The following TEP1 variants were observed in gnomAD, a reference collection of about 807,000 sequenced individuals.
TEP1 encodes the protein telomerase protein component 1.
TEP1 carries 241 observed loss-of-function variants against 306.3 expected under a neutral mutation model. The ratio of observed to expected loss-of-function variants is 0.79; its 90% CI spans 0.71 to 0.88. The LOEUF (loss-of-function observed/expected upper bound fraction) is 0.88. TEP1 is among the 40% of genes least tolerant of loss of function. The pLI is 0.00. For missense variants in TEP1, 3,051 were observed against 3,276.1 expected (o/e 0.93, Z 1.68); for synonymous variants, 1,289 against 1,305.5 (o/e 0.99, Z 0.27).
Position 20,381,185 on chromosome 14 carries a change from A to T in TEP1, c.4647+128T>A. On this transcript the variant is annotated intron_variant, in intron 32 of 54. Transcript: ENST00000262715. This position sits in a 1 kb window ranked among gnomAD's most constrained non-coding sequence, Gnocchi z 4.0. ...GAAGAAGGGCAGGAAAACTGAAAGGAAAGAGGTCAAGGGAGTTTGGGAGGG... is the reference window on the plus strand; with the variant it reads ...GAAGAAGGGCAGGAAAACTGAAAGGTAAGAGGTCAAGGGAGTTTGGGAGGG... 1.6e-6 allele frequency: 2 copies of T among 1,222,860 alleles called. No individual in the cohort carries two copies. The highest frequency in any genetic ancestry group is 2.4e-6 in the Non-Finnish European group (2 of 826,858). The allele number at this position is 1,222,860 out of a possible 1,614,324, so 75.8% of individuals were successfully genotyped here. A position where few individuals can be genotyped will look rare whatever the true frequency, so the allele number is the denominator to read the frequency against.
chr14:20,404,681 T>G lies in TEP1; in HGVS notation c.962A>C (p.His321Pro). ...IAAFLPACRP[H>P]LRRYFCAIVQ... ...AATGGCACAGAAATATCGTCGCAGG[T>G]GGGGGCGACACGCCGGCAAGAAAGC... Residue 321 changes from histidine (H) to proline (P), a missense_variant, in exon 5 of 55, where the codon CAC (histidine) becomes CCC (proline). By Grantham distance (77) the His-to-Pro change is moderately conservative (BLOSUM62 -2). Around this residue, in one of 3 missense-constraint regions of TEP1, gnomAD observed 1,507 missense variants for 1,550.5 expected, o/e 0.97. Coordinates refer to ENST00000262715, the MANE Select transcript of TEP1 (RefSeq NM_007110.5). 6.2e-7 allele frequency: 1 copy of G among 1,613,976 alleles called. No homozygotes were observed. Among genetic ancestry groups the G allele is most frequent in the South Asian group, 1.1e-5 (1 of 91,048 alleles).
rs766192524 is a variant in TEP1 at position 20,396,690 on chromosome 14, C to T, written c.1590G>A (p.Leu530=). The T allele has an allele frequency of 1.3e-5, 21 of 1,611,920 alleles. 1 individual carries two copies. The South Asian group carries it at 2.2e-4, about 17-fold the overall frequency. Residue 530 remains leucine, a synonymous_variant, in exon 10 of 55, where the codon CTG becomes CTA. Transcript: ENST00000262715. ...KLPFMAMLRN[L]CNLLRVGISS... Reference sequence around the variant, plus strand: ...TGATTCCAACCCGCAGCAGGTTGCACAGGTTCCGAAGCATGGCCATGAAGG... The same window carrying T: ...TGATTCCAACCCGCAGCAGGTTGCATAGGTTCCGAAGCATGGCCATGAAGG...
chr14:20,384,938 C>T, intron 21 of TEP1, 47 bp downstream of exon 21: 2 of 1,613,238 alleles, frequency 1.2e-6, no homozygotes, highest in Non-Finnish European at 1.7e-6. Context: ...ACTGGCCTGT[C>T]TGGCCTTTTG....
Position 20,391,735 on chromosome 14 carries a change from C to A in TEP1, c.1961G>T (p.Arg654Met). 3 of 1,614,178 alleles carry A rather than the reference C, an allele frequency of 1.9e-6. No individual in the cohort carries two copies. Among genetic ancestry groups the A allele is most frequent in the Non-Finnish European group, 2.5e-6 (3 of 1,180,022 alleles). ...AGCTGTCTCTAGGGCCTGTCGGTAC[C>A]TGTTCAGCATCTCACCATCATATTT... ...QWKYDGEMLNRYRQALETAVN... is the reference protein window; with the variant it reads ...QWKYDGEMLNMYRQALETAVN... The change falls in exon 13 of 55, where the codon AGG becomes ATG. Residue 654 changes from arginine to methionine, a missense_variant. Arg to Met is a moderately conservative substitution (Grantham distance 91). Transcript: ENST00000262715.
At chr14:20,375,940 A>T in intron 42 of TEP1, 72 bp from the exon 43 acceptor site, 4 of 1,497,962 alleles carry the variant, frequency 2.7e-6, no homozygotes, top group Non-Finnish European at 2.8e-6. Context: ...CATTTCAGGC[A>T]AGAAATTTCA....
chr14:20,412,986 G>C (rs1042375198), intron 1 of TEP1, among the ~76,000 whole-genome samples: 1 of 139,458 alleles, frequency 7.2e-6, no homozygotes, highest in Admixed American at 7.3e-5. Context: ...GTGGCTGTAT[G>C]GTAGTCTAGC....
At chr14:20,385,472 A>C (rs578084121) in intron 20 of TEP1, among the ~76,000 whole-genome samples, 1 of 152,186 alleles carries the variant, frequency 6.6e-6, no homozygotes, top group African/African-American at 2.4e-5. Context: ...TCCTCGGTTC[A>C]AGCAATTCTC....
chr14:20,377,465 A>G lies in TEP1; in HGVS notation c.5903T>C (p.Leu1968Pro), dbSNP rs1320739913. The change falls in exon 41 of 55, where the codon CTG becomes CCG. Residue 1968 changes from leucine to proline, a missense_variant. Physicochemically the swap from Leu to Pro is moderately conservative, Grantham distance 98 (BLOSUM62 -3). Coordinates refer to ENST00000262715, the MANE Select transcript of TEP1 (RefSeq NM_007110.5). ...SGSQGAQGQA[L>P]DVAVSALAWL... ...GGCCAGGGCGGACACTGCCACATCC[A>G]GTGCCTGACCCTGAGCCCCCTGGGA... 1 of 1,614,062 alleles carries G rather than the reference A, an allele frequency of 6.2e-7. No individual in the cohort carries two copies. Among genetic ancestry groups the G allele is most frequent in the South Asian group, 1.1e-5 (1 of 91,090 alleles).
In TEP1 at chr14:20,384,108, C is replaced by T. The variant is rs2228041; in HGVS notation, c.3464G>A (p.Arg1155Gln). ...RPRLLQDTVQ[R>Q]LMLPHGRLSL... is the part of the protein sequence containing the mutation. ...CAGCCTTCCGTGGGGCAGCATCAGC[C>T]GTTGCACTGTGTCCTGAAGAAGGCG... The change falls in exon 24 of 55, where the codon CGG becomes CAG. Residue 1155 changes from arginine to glutamine, a missense_variant. By Grantham distance (43) the Arg-to-Gln change is conservative. Coordinates refer to ENST00000262715, the MANE Select transcript of TEP1 (RefSeq NM_007110.5). 91,029 of 1,613,998 alleles carry T rather than the reference C, an allele frequency of 0.056. 2,909 individuals are homozygous for T. Among genetic ancestry groups the T allele is most frequent in the South Asian group, 0.091 (8,251 of 91,082 alleles).
chr14:20,373,745 C>T lies in TEP1; in HGVS notation c.6537G>A (p.Glu2179=). 1 of 1,614,174 alleles carries T rather than the reference C, an allele frequency of 6.2e-7. No individual in the cohort carries two copies. The highest frequency in any genetic ancestry group is 8.5e-7 in the Non-Finnish European group (1 of 1,180,034). Residue 2179 remains glutamate (E), a synonymous_variant, in exon 45 of 55, where the codon GAG becomes GAA. Transcript: ENST00000262715. ...TLKVWDHQGV[E]LTSIPAHSGP... is the part of the protein sequence containing the mutation. Reference sequence around the variant, plus strand: ...CTGAGTGAGCAGGGATGCTGGTCAGCTCCACGCCTTGATGGTCCCACACTT... The same window carrying T: ...CTGAGTGAGCAGGGATGCTGGTCAGTTCCACGCCTTGATGGTCCCACACTT...
At chr14:20,368,946 C>A (rs372325433) in intron 53 of TEP1, 44 bp from the exon 54 acceptor site, 4 of 1,446,642 alleles carry the variant, frequency 2.8e-6, no homozygotes, top group East Asian at 4.6e-5. Context: ...TTCTCAGGGG[C>A]CCCTCCTCAG....
chr14:20,378,446 TACCTGCC>T lies in TEP1; in HGVS notation c.5435_5441del (p.Gly1812GlufsTer2). 6.2e-7 allele frequency: 1 copy of T among 1,614,218 alleles called. No homozygotes were observed. Among genetic ancestry groups the T allele is most frequent in the Non-Finnish European group, 8.5e-7 (1 of 1,180,044 alleles). Reference sequence around the variant, plus strand: ...TGCCAGCCCAGCTGCCTGTGGCTATTACCTGCCCCTCTGGGTGGAAGGCAACACAGTT... The same window carrying T: ...TGCCAGCCCAGCTGCCTGTGGCTATTCCTCTGGGTGGAAGGCAACACAGTT... On this transcript the variant is annotated frameshift_variant, in exon 38 of 55. Transcript: ENST00000262715. LOFTEE classifies it high-confidence loss of function.
chr14:20,389,147 T>C (rs958770355), intron 17 of TEP1, 91 bp downstream of exon 17: 3 of 1,043,466 alleles, frequency 2.9e-6, no homozygotes, highest in Non-Finnish European at 4.2e-6. Context: ...GATTCTGTCT[T>C]AAAAAAAAAA....
At position 20,377,659 on chromosome 14, in the gene TEP1, C is replaced by T. The variant is rs1885265464; in HGVS notation, c.5816G>A (p.Gly1939Asp). ...PALSVALSPD[G>D]DRVAVGYRAD... ...TCGATATCCAACAGCCACCCGATCA[C>T]CATCTGGGCTGAGTGCCACAGAGAG... The change falls in exon 40 of 55, where the codon GGT becomes GAT. Residue 1939 changes from glycine to aspartate, a missense_variant. By Grantham distance (94) the Gly-to-Asp change is moderately conservative (BLOSUM62 -1). This residue lies in a region of TEP1 where 1,540 missense variants were observed against 1,705.9 expected (regional missense o/e 0.90). Transcript: ENST00000262715. 1.2e-6 allele frequency: 2 copies of T among 1,614,164 alleles called. No individual in the cohort carries two copies. The highest frequency in any genetic ancestry group is 1.6e-4 in the Middle Eastern group (1 of 6,062).
intron 17 of TEP1, 64 bp from the exon 18 acceptor site, chr14:20,388,127 G>A (rs752219081): frequency 1.5e-5 from 24 of 1,571,858 alleles, no homozygotes; most frequent in South Asian, 4.6e-5. Flanking sequence ...GAGGTCTTCC[G>A]AAAAGGGCAG....
At chr14:20,385,157 C>T (rs1466145445) in intron 20 of TEP1, 48 bp from the exon 21 acceptor site, 1 of 1,606,826 alleles carries the variant, frequency 6.2e-7, no homozygotes, top group East Asian at 2.2e-5. Flanking sequence ...CCACAATGAC[C>T]CTCCCTCCAG....
chr14:20,399,121 G>A (rs887432255), intron 9 of TEP1, among the ~76,000 whole-genome samples: 1 of 152,120 alleles, frequency 6.6e-6, no homozygotes, highest in Non-Finnish European at 1.5e-5. Flanking sequence ...TCAAACTCCT[G>A]AGCTCAAGTG....
At chr14:20,382,126 C>A in intron 29 of TEP1, 63 bp from the exon 30 acceptor site, 1 of 1,610,870 alleles carries the variant, frequency 6.2e-7, no homozygotes. Flanking sequence ...CCCACCACAC[C>A]CAGTCTCTCC....
At chr14:20,401,202 AGGAAAGGTGAGTCAT>A (rs1878706663) in intron 8 of TEP1, 61 bp from the exon 9 acceptor site, 2 of 1,578,290 alleles carry the variant, frequency 1.3e-6, no homozygotes, top group South Asian at 1.1e-5. Context: ...AACTCAGAAA[AGGAAAGGTGAGTCAT>A]GTTTACAGGG....
Sources: gnomAD v4.1 joint callset for allele counts (sites outside exome capture counted in the v4.1 genomes callset) on GRCh38, gnomAD v4.1.1 for gene constraint, gnomAD v4.1.1 regional missense constraint, Gnocchi (gnomAD v3.1) non-coding constraint, MANE v1.5 for transcripts, NCBI Gene and HGNC (gene_info 2026-07-23, HGNC 2026-07-21) for gene names.